The following ANKS1A variants were observed in gnomAD, a reference collection of about 807,000 sequenced individuals.
ANKS1A encodes ankyrin repeat and sterile alpha motif domain containing 1A.
A neutral mutation model predicts 120.3 loss-of-function variants in ANKS1A; 55 were observed. That is an observed-to-expected ratio of 0.46 (90% CI 0.37 to 0.57). ANKS1A has a LOEUF of 0.57. ANKS1A is among the 20% of genes least tolerant of loss of function. The pLI, the probability that ANKS1A is intolerant of heterozygous loss-of-function variation, is 0.00. For synonymous variants in ANKS1A, 590 were observed against 604.7 expected (o/e 0.98, Z 0.36); for missense variants, 1,123 against 1,480.3 (o/e 0.76, Z 3.96).
intron 1 of ANKS1A, among the ~76,000 whole-genome samples, chr6:34,961,595 A>C (rs1770643773): frequency 6.6e-6 from 1 of 152,222 alleles, no homozygotes; most frequent in African/African-American, 2.4e-5. Flanking sequence ...CCTTTAAACC[A>C]GTCATGGAGG....
intron 1 of ANKS1A, among the ~76,000 whole-genome samples, chr6:34,903,251 A>C (rs79776117): frequency 2.6e-3 from 397 of 151,058 alleles, no homozygotes; most frequent in Non-Finnish European, 4.3e-3. Context: ...GTTACTTTCA[A>C]ATTGGCTCAT....
intron 13 of ANKS1A, among the ~76,000 whole-genome samples, chr6:35,074,556 T>C (rs773004358): frequency 1.3e-5 from 2 of 152,068 alleles, no homozygotes; most frequent in African/African-American, 2.4e-5. Context: ...ATCACACCAC[T>C]GCACTCCACT....
At chr6:34,967,543 T>A (rs570851789) in intron 2 of ANKS1A, among the ~76,000 whole-genome samples, 166 of 150,064 alleles carry the variant, frequency 1.1e-3, no homozygotes, top group East Asian at 8.3e-3. Context: ...AAAAAAAAAT[T>A]TTTTTAATTA....
chr6:35,094,440 G>GA (rs35902442), downstream of ANKS1A, among the ~76,000 whole-genome samples: 260 of 118,822 alleles, frequency 2.2e-3, no homozygotes, highest in African/African-American at 2.6e-3. Flanking sequence ...ACTTCGTCTG[G>GA]AAAAAAAAAA....
intron 15 of ANKS1A, 38 bp downstream of exon 15, chr6:35,079,706 G>A: frequency 6.2e-7 from 1 of 1,613,840 alleles, no homozygotes. Flanking sequence ...GGACTCTCCA[G>A]AAGTCTGAGC....
intron 12 of ANKS1A, among the ~76,000 whole-genome samples, chr6:35,055,668 C>T (rs372135207): frequency 1.3e-5 from 2 of 152,192 alleles, no homozygotes; most frequent in Non-Finnish European, 2.9e-5. Context: ...TTACTCATAT[C>T]GAGAAACCTA....
At chr6:34,936,517 T>C (rs1272874223) in intron 1 of ANKS1A, among the ~76,000 whole-genome samples, 2 of 152,224 alleles carry the variant, frequency 1.3e-5, no homozygotes, top group African/African-American at 4.8e-5. Flanking sequence ...GGGAAACATG[T>C]CCAGTCTTCT....
At position 34,969,949 on chromosome 6, in the gene ANKS1A, G is replaced by T. The variant is rs1771097829; in HGVS notation, c.279-61G>T. 5 of 1,579,306 alleles carry T rather than the reference G, an allele frequency of 3.2e-6. No homozygotes were observed. In the South Asian group the frequency reaches 5.9e-5, roughly 19 times the overall value. ...GGGCTTTGTGCCATATAGGTGTAAA[G>T]AGCTGTTAGCTGGAAAGACTTCTGA... is the stretch of plus-strand genomic sequence containing the variant. On this transcript the variant is annotated intron_variant, in intron 2 of 23. Transcript: ENST00000360359.
intron 1 of ANKS1A, among the ~76,000 whole-genome samples, chr6:34,910,713 T>C (rs931222688): frequency 1.4e-4 from 22 of 151,776 alleles, no homozygotes; most frequent in Non-Finnish European, 2.6e-4. Flanking sequence ...ATACAAAAAA[T>C]TACCCAGGCG....
chr6:35,074,444 A>G (rs1019185142), intron 13 of ANKS1A, among the ~76,000 whole-genome samples: 1 of 152,232 alleles, frequency 6.6e-6, no homozygotes, highest in Non-Finnish European at 1.5e-5. Flanking sequence ...TACAAAAAAA[A>G]AAAATAGCCA....
At chr6:34,890,801 A>G (rs3756857) in intron 1 of ANKS1A, among the ~76,000 whole-genome samples, 11,752 of 152,256 alleles carry the variant, frequency 0.077, 651 homozygotes, top group East Asian at 0.33. Context: ...GTGGAAGTTC[A>G]TTTAGAAATG....
rs751205761 is a variant in ANKS1A at position 35,018,066 on chromosome 6, C to A, written c.2010+7C>A. Reference sequence around the variant, plus strand: ...CGCCTCGGAGTGGGATGAGGTAAGGCCGACATGACGTCACAGGGAGCTGGG... The same window carrying A: ...CGCCTCGGAGTGGGATGAGGTAAGGACGACATGACGTCACAGGGAGCTGGG... On this transcript the variant is annotated splice_region_variant and intron_variant, in intron 11 of 23. Transcript: ENST00000360359. 3 of 1,610,794 alleles carry A rather than the reference C, an allele frequency of 1.9e-6. No homozygotes were observed. Among genetic ancestry groups the A allele is most frequent in the Non-Finnish European group, 1.7e-6 (2 of 1,178,356 alleles).
At chr6:35,033,964 T>C (rs1483658159) in intron 11 of ANKS1A, among the ~76,000 whole-genome samples, 1 of 152,134 alleles carries the variant, frequency 6.6e-6, no homozygotes, top group Non-Finnish European at 1.5e-5. Flanking sequence ...GTTCCTTTGG[T>C]CGGTGGTTCC....
At chr6:35,094,661 T>TA (rs1778404718), downstream of ANKS1A, among the ~76,000 whole-genome samples, 1 of 152,076 alleles carries the variant, frequency 6.6e-6, no homozygotes, top group South Asian at 2.1e-4. Context: ...TGGATGGGCT[T>TA]AAGAGTGGAG....
intron 1 of ANKS1A, among the ~76,000 whole-genome samples, chr6:34,952,255 G>A (rs558404976): frequency 7.4e-4 from 113 of 152,250 alleles, no homozygotes; most frequent in African/African-American, 2.5e-3. Context: ...ACATTTAATC[G>A]ATGTTAGCTG....
At chr6:35,002,243 G>A (rs887738594) in intron 10 of ANKS1A, among the ~76,000 whole-genome samples, 1 of 151,938 alleles carries the variant, frequency 6.6e-6, no homozygotes, top group Non-Finnish European at 1.5e-5. Flanking sequence ...CCCAACCTCC[G>A]AGACCATCCT....
intron 1 of ANKS1A, among the ~76,000 whole-genome samples, chr6:34,901,405 G>A (rs551734948): frequency 6.6e-6 from 1 of 152,254 alleles, no homozygotes; most frequent in South Asian, 2.1e-4. Context: ...ATAATCCTTG[G>A]TACTTTAATC....
intron 13 of ANKS1A, among the ~76,000 whole-genome samples, chr6:35,077,798 G>A (rs1342830246): frequency 1.3e-5 from 2 of 152,148 alleles, no homozygotes; most frequent in African/African-American, 4.8e-5. Context: ...TTAGATTAAC[G>A]GGATTAACAG....
Position 35,090,403 on chromosome 6 carries a change from G to A in ANKS1A, c.*1794G>A. On this transcript the variant is annotated 3_prime_UTR_variant, in exon 24 of 24. Transcript: ENST00000360359. ...ACATCCAAGTGGGCCTCTGTCGGGG[G>A]CGGGGCGGTAGGTCCGAAAGAAACC... The A allele has an allele frequency of 1.6e-6, 2 of 1,212,526 alleles. No individual in the cohort carries two copies. Among genetic ancestry groups the A allele is most frequent in the Non-Finnish European group, 2.1e-6 (2 of 952,126 alleles). The allele number at this position is 1,212,526 out of a possible 1,614,324, so 75.1% of individuals were successfully genotyped here. A position where few individuals can be genotyped will look rare whatever the true frequency, so the allele number is the denominator to read the frequency against.
Sources: allele counts gnomAD v4.1 joint callset (sites outside exome capture counted in the v4.1 genomes callset), GRCh38; gene constraint gnomAD v4.1.1; transcripts MANE v1.5; gene names NCBI Gene and HGNC (gene_info 2026-07-23, HGNC 2026-07-21).